Variants in ELL3 observed in about 807,000 individuals in gnomAD.
ELL3 encodes the protein elongation factor for RNA polymerase II 3, also known as RNA polymerase II elongation factor ELL3.
ELL3 carries 48 observed loss-of-function variants against 58.5 expected under a neutral mutation model. The observed-to-expected ratio is 0.82, with a 90% CI of 0.65 to 1.04. ELL3 has a LOEUF of 1.04. Ranked by LOEUF, ELL3 falls within the 50% of genes least tolerant of loss-of-function variation. ELL3 has a pLI of 0.00. For synonymous variants in ELL3, 174 were observed against 173.2 expected, an observed-to-expected ratio of 1.00 and a Z score of -0.04; for missense variants, 458 against 478.4, an observed-to-expected ratio of 0.96 and a Z score of 0.40.
Position 43,772,720 on chromosome 15 carries a change from C to T in ELL3, c.*396G>A, listed in dbSNP as rs1040912081. ...CCAGGTATGCTACAAGTTCTTTTAA[C>T]TCTTATCAGAAGTTATTATTACTGT... is the stretch of plus-strand genomic sequence containing the variant. On this transcript the variant is annotated 3_prime_UTR_variant, in exon 11 of 11. Coordinates refer to ENST00000319359, the MANE Select transcript of ELL3 (RefSeq NM_025165.3). 9 of 157,866 alleles carry T rather than the reference C, an allele frequency of 5.7e-5. No individual in the cohort carries two copies. Among genetic ancestry groups the T allele is most frequent in the African/African-American group, 1.4e-4 (6 of 41,794 alleles). 9.8% of individuals were successfully genotyped at this position (157,866 alleles called of 1,614,324 possible).
At chr15:43,776,229 G>A in intron 2 of ELL3, 78 bp from the exon 3 acceptor site, 1 of 1,359,542 alleles carries the variant, frequency 7.4e-7, no homozygotes, top group Non-Finnish European at 1.0e-6. Flanking sequence ...CCGGGAGCCA[G>A]TCCGTAAGTA....
chr15:43,775,602 C>T lies in ELL3; in HGVS notation c.492G>A (p.Val164=). The T allele has an allele frequency of 1.2e-6, 2 of 1,614,212 alleles. No individual in the cohort carries two copies. The highest frequency in any genetic ancestry group is 1.7e-6 in the Non-Finnish European group (2 of 1,180,026). The change falls in exon 5 of 11, where the codon GTG becomes GTA. Residue 164 remains valine, a synonymous_variant. Transcript: ENST00000319359. ...QPQMALEEVS[V]SDPLASNQGQ... Reference sequence around the variant, plus strand: ...CTTGGTTGCTTGCCAGTGGATCTGACACTGACACCTGGTGGGGAAAGTGGC... The same window carrying T: ...CTTGGTTGCTTGCCAGTGGATCTGATACTGACACCTGGTGGGGAAAGTGGC...
intron 6 of ELL3, 25 bp from the exon 7 acceptor site, chr15:43,774,798 CAT>C (rs2086902776): frequency 6.4e-7 from 1 of 1,571,056 alleles, no homozygotes; most frequent in African/African-American, 1.4e-5. Flanking sequence ...ATCTGTGTGA[CAT>C]AAACAGCCAA....
chr15:43,775,952 A>G, intron 3 of ELL3, 29 bp from the exon 4 acceptor site: 1 of 1,613,476 alleles, frequency 6.2e-7, no homozygotes, highest in Non-Finnish European at 8.5e-7. Flanking sequence ...AAAAAATAGG[A>G]GGGTGGAGAC....
Position 43,776,954 on chromosome 15 carries a change from C to A in ELL3, c.-53G>T. The A allele has an allele frequency of 6.3e-7, 1 of 1,599,378 alleles. No homozygotes were observed. The highest frequency in any genetic ancestry group is 8.5e-7 in the Non-Finnish European group (1 of 1,177,726). ...GGGGGCCACAGGCGAGGGCCACCACCGCCACCTCCTCTGTTCAGGGTTTGG... is the reference window on the plus strand; with the variant it reads ...GGGGGCCACAGGCGAGGGCCACCACAGCCACCTCCTCTGTTCAGGGTTTGG... On this transcript the variant is annotated 5_prime_UTR_variant, in exon 1 of 11. Transcript: ENST00000319359.
chr15:43,773,776 T>TATC (rs2086895607), intron 9 of ELL3, among the ~76,000 whole-genome samples: 1 of 151,336 alleles, frequency 6.6e-6, no homozygotes, highest in East Asian at 1.9e-4. Flanking sequence ...CTGAGGTGGG[T>TATC]GGATCACTTG....
At position 43,776,777 on chromosome 15, in the gene ELL3, C is replaced by G; in HGVS notation, c.125G>C (p.Arg42Pro). 6.2e-7 allele frequency: 1 copy of G among 1,605,006 alleles called. No individual in the cohort carries two copies. The change falls in exon 1 of 11, where the codon CGG becomes CCG. Residue 42 changes from arginine to proline, a missense_variant. By Grantham distance (103) the Arg-to-Pro change is moderately radical. Transcript: ENST00000319359. ...GAAGGGGGCCGGCCGTACCTGTTGC[C>G]GCTGACACTCTTGCAGCGCCCGCAG... The part of the protein sequence containing the change: ...AALRALQECQ[R>P]QQVRPVIAFQ...
At chr15:43,774,847 C>T in intron 6 of ELL3, 74 bp from the exon 7 acceptor site, 1 of 1,462,752 alleles carries the variant, frequency 6.8e-7, no homozygotes, top group East Asian at 2.4e-5. Context: ...AAGAATTTCT[C>T]CTAGGCTGGG....
intron 3 of ELL3, 27 bp downstream of exon 3, chr15:43,776,012 T>C: frequency 1.9e-6 from 3 of 1,613,326 alleles, no homozygotes; most frequent in Non-Finnish European, 1.7e-6. Flanking sequence ...ACAAACCCTT[T>C]CTTGCCGGCT....
rs1443222251 is a variant in ELL3 at position 43,775,611 on chromosome 15, C to A, written c.484-1G>T. ...TTGCCAGTGGATCTGACACTGACAC[C>A]TGGTGGGGAAAGTGGCAGGAGCACT... is the stretch of plus-strand genomic sequence containing the variant. On this transcript the variant is annotated splice_acceptor_variant, in intron 4 of 10. Coordinates refer to ENST00000319359, the MANE Select transcript of ELL3 (RefSeq NM_025165.3). LOFTEE classifies it high-confidence loss of function. 1.2e-6 allele frequency: 2 copies of A among 1,614,198 alleles called. No individual in the cohort carries two copies. Among genetic ancestry groups the A allele is most frequent in the Non-Finnish European group, 1.7e-6 (2 of 1,180,030 alleles).
intron 1 of ELL3, 35 bp downstream of exon 1, chr15:43,776,735 G>A (rs770527822): frequency 6.3e-7 from 1 of 1,587,296 alleles, no homozygotes; most frequent in Non-Finnish European, 8.6e-7. Flanking sequence ...AGGTCCCTAG[G>A]GGCAGTGACT....
chr15:43,775,371 G>A lies in ELL3; in HGVS notation c.580C>T (p.His194Tyr). ...MAQWEVRSQT[H>Y]VPNREPVQAL... is the part of the protein sequence containing the mutation. ...TGAACAGGTTCTCTGTTTGGAACAT[G>A]GGTCTGGCTTCTAGGATATTTTAAG... Residue 194 changes from histidine (H) to tyrosine (Y), a missense_variant, in exon 6 of 11, where the codon CAT (histidine) becomes TAT (tyrosine). Physicochemically the swap from His to Tyr is moderately conservative, Grantham distance 83 (BLOSUM62 2). Coordinates refer to ENST00000319359, the MANE Select transcript of ELL3 (RefSeq NM_025165.3). 6.2e-7 allele frequency: 1 copy of A among 1,613,540 alleles called. No homozygotes were observed. The highest frequency in any genetic ancestry group is 1.6e-4 in the Middle Eastern group (1 of 6,062).
At chr15:43,773,419 C>T (rs987810877) in intron 9 of ELL3, 71 bp from the exon 10 acceptor site, 66 of 1,562,710 alleles carry the variant, frequency 4.2e-5, no homozygotes, top group Non-Finnish European at 5.4e-5. Context: ...CATGGTGGCT[C>T]ACGCCTGTAA....
intron 5 of ELL3, 70 bp downstream of exon 5, chr15:43,775,455 T>A: frequency 1.9e-6 from 3 of 1,608,636 alleles, no homozygotes; most frequent in Non-Finnish European, 2.6e-6. Flanking sequence ...ATTACAACAT[T>A]TAAGAGTGGA....
rs1567161085 is a variant in ELL3, at chr15:43,773,319, A to G, written c.1068T>C (p.Tyr356=). ...KVLEDKIIQE[Y]KKFRKQYPSY... ...CTTGTCTTACCTTCCTGAACTTTTTATATTCCTGGATTATCTTGTCTTCCA... is the reference window on the plus strand; with the variant it reads ...CTTGTCTTACCTTCCTGAACTTTTTGTATTCCTGGATTATCTTGTCTTCCA... The change falls in exon 10 of 11, where the codon TAT becomes TAC. Residue 356 remains tyrosine, a synonymous_variant. Coordinates refer to ENST00000319359, the MANE Select transcript of ELL3 (RefSeq NM_025165.3). 6.2e-7 allele frequency: 1 copy of G among 1,614,206 alleles called. No homozygotes were observed.
In ELL3 at chr15:43,774,331, C is replaced by T. The variant is rs1049912126; in HGVS notation, c.889G>A (p.Ala297Thr). Residue 297 changes from alanine (A) to threonine (T), a missense_variant, in exon 9 of 11, where the codon GCA becomes ACA. Coordinates refer to ENST00000319359, the MANE Select transcript of ELL3 (RefSeq NM_025165.3). Reference sequence around the variant, plus strand: ...TGCTCATAGGCATGTTGCTGTTCTGCACTGTGGATGGCCCTGTATTGCCTG... The same window carrying T: ...TGCTCATAGGCATGTTGCTGTTCTGTACTGTGGATGGCCCTGTATTGCCTG... ...YLLQYRAIHS[A>T]EQQHAYEQDF... 5.6e-6 allele frequency: 9 copies of T among 1,614,226 alleles called. No homozygotes were observed. Among genetic ancestry groups the T allele is most frequent in the South Asian group, 1.1e-5 (1 of 91,090 alleles).
At chr15:43,775,982 A>G (rs2141662408) in intron 3 of ELL3, 57 bp downstream of exon 3, 1 of 1,611,666 alleles carries the variant, frequency 6.2e-7, no homozygotes, top group East Asian at 2.2e-5. Flanking sequence ...ACCTCTCCAC[A>G]TTTCCCTCCC....
At position 43,775,897 on chromosome 15, in the gene ELL3, A is replaced by G. The variant is rs776761355; in HGVS notation, c.308T>C (p.Leu103Pro). The change falls in exon 4 of 11, where the codon CTG (leucine) becomes CCG (proline). Residue 103 changes from leucine to proline, a missense_variant. Leu to Pro is a moderately conservative substitution (Grantham distance 98). Coordinates refer to ENST00000319359, the MANE Select transcript of ELL3 (RefSeq NM_025165.3). ...AATGAGGCGCTCCCTGAGTGAGCCCAGGCAGTGGAGGCTGTTAGGCCCAGA... is the reference window on the plus strand; with the variant it reads ...AATGAGGCGCTCCCTGAGTGAGCCCGGGCAGTGGAGGCTGTTAGGCCCAGA... ...LRSGPNSLHC[L>P]GSLRERLIIW... The G allele has an allele frequency of 4.3e-6, 7 of 1,614,200 alleles. No individual in the cohort carries two copies. The highest frequency in any genetic ancestry group is 5.1e-6 in the Non-Finnish European group (6 of 1,180,034).
chr15:43,776,949 A>T lies in ELL3; in HGVS notation c.-48T>A. 2.5e-6 allele frequency: 4 copies of T among 1,600,248 alleles called. No homozygotes were observed. The highest frequency in any genetic ancestry group is 3.4e-6 in the Non-Finnish European group (4 of 1,178,000). ...AGCACGGGGGCCACAGGCGAGGGCC[A>T]CCACCGCCACCTCCTCTGTTCAGGG... On this transcript the variant is annotated 5_prime_UTR_variant, in exon 1 of 11. Coordinates refer to ENST00000319359, the MANE Select transcript of ELL3 (RefSeq NM_025165.3).
Sources: gnomAD v4.1 joint callset for allele counts (sites outside exome capture counted in the v4.1 genomes callset) on GRCh38, gnomAD v4.1.1 for gene constraint, MANE v1.5 for transcripts, NCBI Gene and HGNC (gene_info 2026-07-23, HGNC 2026-07-21) for gene names.